IMMP2L: variants seen among roughly 807,000 people sequenced by gnomAD.
The protein encoded by IMMP2L is inner mitochondrial membrane peptidase subunit 2.
A neutral mutation model predicts 19.3 loss-of-function variants in IMMP2L; 18 were observed. The ratio of observed to expected loss-of-function variants is 0.93; its 90% CI spans 0.64 to 1.38. The LOEUF (loss-of-function observed/expected upper bound fraction) is 1.38, where lower values mean the gene tolerates loss of function less well. Ranked by LOEUF, IMMP2L falls within the 40% of genes most tolerant of loss-of-function variation. IMMP2L has a pLI of 0.00. For missense variants in IMMP2L, 233 were observed against 218.2 expected, an observed-to-expected ratio of 1.07 and a Z score of -0.43; for synonymous variants, 76 against 73.0, an observed-to-expected ratio of 1.04 and a Z score of -0.21.
chr7:111,221,248 T>C (rs75159241), intron 3 of IMMP2L, among the ~76,000 whole-genome samples: 39 of 152,094 alleles, frequency 2.6e-4, no homozygotes, highest in Non-Finnish European at 5.2e-4. Flanking sequence ...CAAAAAGATA[T>C]ATATCTATTC....
intron 5 of IMMP2L, among the ~76,000 whole-genome samples, chr7:110,781,597 A>G (rs1658684756): frequency 6.6e-6 from 1 of 151,830 alleles, no homozygotes; most frequent in South Asian, 2.1e-4. Flanking sequence ...TGCATAGAAT[A>G]TGCTTCCAAA....
intron 5 of IMMP2L, among the ~76,000 whole-genome samples, chr7:110,817,386 C>G (rs1488322222): frequency 6.6e-6 from 1 of 151,950 alleles, no homozygotes; most frequent in Admixed American, 6.6e-5. Flanking sequence ...AATAAAATAC[C>G]TAGGAATCCA....
At chr7:111,189,774 C>T (rs1808669361) in intron 3 of IMMP2L, among the ~76,000 whole-genome samples, 2 of 152,162 alleles carry the variant, frequency 1.3e-5, no homozygotes, top group South Asian at 2.1e-4. Flanking sequence ...CTACCTCCAA[C>T]CCACCCCAGG....
chr7:110,893,477 T>A lies in IMMP2L; in HGVS notation c.306-6782A>T, dbSNP rs575225578. On this transcript the variant is annotated intron_variant, in intron 4 of 5. Transcript: ENST00000405709. Reference sequence around the variant, plus strand: ...AAACCAAAGTAGTTTGTTACTTTTTTAAAAAAATAGTATACTACTATATGA... The same window carrying A: ...AAACCAAAGTAGTTTGTTACTTTTTAAAAAAAATAGTATACTACTATATGA... Among the ~76,000 whole-genome samples the A allele has an allele frequency of 2.6e-5, 4 of 152,272 alleles. No homozygotes were observed. The East Asian group carries it at 5.8e-4, about 22-fold the overall frequency.
intron 3 of IMMP2L, among the ~76,000 whole-genome samples, chr7:110,977,940 T>A (rs1820875329): frequency 1.3e-5 from 2 of 152,082 alleles, no homozygotes; most frequent in Non-Finnish European, 2.9e-5. Flanking sequence ...CGAAGTTCCG[T>A]AAACCAATTT....
intron 3 of IMMP2L, among the ~76,000 whole-genome samples, chr7:111,203,805 T>A (rs1480367375): frequency 6.6e-6 from 1 of 152,010 alleles, no homozygotes; most frequent in Non-Finnish European, 1.5e-5. Flanking sequence ...AGCAATGTAA[T>A]TCCAAAAAGA....
At chr7:111,111,662 C>T (rs1200079666) in intron 3 of IMMP2L, among the ~76,000 whole-genome samples, 4 of 151,890 alleles carry the variant, frequency 2.6e-5, no homozygotes, top group African/African-American at 4.8e-5. Context: ...CTAATGTCCC[C>T]CCCTGCGTCA....
At chr7:111,480,964 T>G (rs1240904132) in intron 3 of IMMP2L, among the ~76,000 whole-genome samples, 1 of 152,128 alleles carries the variant, frequency 6.6e-6, no homozygotes, top group Non-Finnish European at 1.5e-5. Context: ...ACACAAAGCA[T>G]CTTTCGTTTT....
chr7:110,695,382 G>A (rs1457708115), intron 5 of IMMP2L, among the ~76,000 whole-genome samples: 1 of 151,928 alleles, frequency 6.6e-6, no homozygotes, highest in South Asian at 2.1e-4. Flanking sequence ...TGTAGAGACA[G>A]GGTCTTGCCA....
chr7:110,705,802 G>C (rs1357245712), intron 5 of IMMP2L, among the ~76,000 whole-genome samples: 3 of 151,862 alleles, frequency 2.0e-5, no homozygotes, highest in Non-Finnish European at 4.4e-5. Flanking sequence ...ACTTATAAGT[G>C]AGAACAGGCG....
intron 3 of IMMP2L, among the ~76,000 whole-genome samples, chr7:111,239,668 T>TA (rs757533500): frequency 3.3e-5 from 5 of 151,904 alleles, no homozygotes; most frequent in Non-Finnish European, 5.9e-5. Flanking sequence ...CCAGAAAACT[T>TA]AATCTTCTCC....
chr7:111,290,827 AAC>A (rs541375499), intron 3 of IMMP2L, among the ~76,000 whole-genome samples: 1,933 of 134,628 alleles, frequency 0.014, 13 homozygotes, highest in African/African-American at 0.024. Context: ...TATATATACA[AAC>A]ACACACACAC....
chr7:111,191,431 TACACACACACACAC>T lies in IMMP2L; in HGVS notation c.240-227880_240-227867del, dbSNP rs57414194. 2.5e-3 allele frequency among the ~76,000 whole-genome samples: 361 copies of T among 146,746 alleles called. 3 individuals carry two copies. Among genetic ancestry groups the T allele is most frequent in the African/African-American group, 7.2e-3 (281 of 39,172 alleles). On this transcript the variant is annotated intron_variant, in intron 3 of 5. Transcript: ENST00000405709. ...ACAAGGTAAAATGCTGCTGCTCAAA[TACACACACACACAC>T]ACACACACACACACACACACACACA...
chr7:111,104,452 T>A (rs920853691), intron 3 of IMMP2L, among the ~76,000 whole-genome samples: 19 of 151,840 alleles, frequency 1.3e-4, no homozygotes, highest in Non-Finnish European at 2.5e-4. Flanking sequence ...TTATATATTT[T>A]GATATGATGT....
chr7:110,968,137 C>T (rs1393429762), intron 3 of IMMP2L, among the ~76,000 whole-genome samples: 1 of 151,910 alleles, frequency 6.6e-6, no homozygotes, highest in Non-Finnish European at 1.5e-5. Flanking sequence ...TGAGCTGCTC[C>T]CTGTAGGCAA....
intron 2 of IMMP2L, among the ~76,000 whole-genome samples, chr7:111,511,813 C>T (rs1032208671): frequency 1.8e-4 from 27 of 152,182 alleles, no homozygotes; most frequent in African/African-American, 6.3e-4. Context: ...ACCATGGTGT[C>T]AGCAGGGCCC....
intron 3 of IMMP2L, among the ~76,000 whole-genome samples, chr7:110,998,039 A>G (rs1323452485): frequency 6.6e-6 from 1 of 152,070 alleles, no homozygotes; most frequent in Admixed American, 6.6e-5. Flanking sequence ...TCCTTCCATA[A>G]TGTATCATTA....
intron 3 of IMMP2L, among the ~76,000 whole-genome samples, chr7:111,385,338 A>G (rs929628987): frequency 4.6e-5 from 7 of 152,158 alleles, no homozygotes; most frequent in African/African-American, 1.7e-4. Context: ...TTTGCCCTTT[A>G]TAAGAGAAAA....
intron 3 of IMMP2L, among the ~76,000 whole-genome samples, chr7:111,014,386 T>C (rs1429354593): frequency 6.6e-6 from 1 of 151,810 alleles, no homozygotes; most frequent in East Asian, 1.9e-4. Context: ...TGTATATATA[T>C]ATACACACAC....
Sources: allele counts gnomAD v4.1 joint callset (sites outside exome capture counted in the v4.1 genomes callset), GRCh38; gene constraint gnomAD v4.1.1; transcripts MANE v1.5; gene names NCBI Gene and HGNC (gene_info 2026-07-23, HGNC 2026-07-21).